CAMTA1: variants seen among roughly 807,000 people sequenced by gnomAD.
The protein encoded by CAMTA1 is calmodulin-binding transcription activator 1.
In CAMTA1, 27 loss-of-function variants were observed where a neutral mutation model predicts 170.9. The observed-to-expected ratio is 0.16, with a 90% CI of 0.12 to 0.22. The LOEUF (loss-of-function observed/expected upper bound fraction) is 0.22, where lower values mean the gene tolerates loss of function less well. Among genes scored for constraint, CAMTA1 ranks in the 10% least tolerant of loss-of-function variants. The pLI is 1.00. For synonymous variants in CAMTA1, 833 were observed against 891.5 expected (o/e 0.93, Z 1.17); for missense variants, 1,619 against 2,217.2 (o/e 0.73, Z 5.42).
rs2094717519 is a variant in CAMTA1 at position 7,547,745 on chromosome 1, A to G, written c.510+79844A>G. Among the ~76,000 whole-genome samples, 1 of 151,118 alleles carries G rather than the reference A, an allele frequency of 6.6e-6. No homozygotes were observed. The highest frequency in any genetic ancestry group is 2.1e-4 in the South Asian group (1 of 4,780). ...CATCAGCTACCGTTAGTGTTAGTAT[A>G]TTTATGTGTGGCCTAAGAGAATTAT... On this transcript the variant is annotated intron_variant, in intron 6 of 22. Transcript: ENST00000303635. This position sits in a 1 kb window ranked among gnomAD's most constrained non-coding sequence, Gnocchi z 5.7.
At chr1:7,536,836 T>A (rs1557879195) in intron 6 of CAMTA1, among the ~76,000 whole-genome samples, 1 of 115,404 alleles carries the variant, frequency 8.7e-6, no homozygotes, top group Non-Finnish European at 2.0e-5. Context: ...AAGAGTCCCC[T>A]GAGCTACTCC....
intron 3 of CAMTA1, among the ~76,000 whole-genome samples, chr1:6,952,776 G>A (rs1395840964): frequency 6.6e-6 from 1 of 152,200 alleles, no homozygotes; most frequent in Admixed American, 6.5e-5. Flanking sequence ...GGAGGTAGCA[G>A]TGAGCCGAGA....
intron 5 of CAMTA1, among the ~76,000 whole-genome samples, chr1:7,342,985 C>T (rs190376602): frequency 2.0e-4 from 30 of 152,342 alleles, no homozygotes; most frequent in Admixed American, 3.3e-4. Context: ...GGGCACCAGT[C>T]CTACAGAGCA....
At chr1:7,181,088 G>T (rs1261445206) in intron 4 of CAMTA1, among the ~76,000 whole-genome samples, 1 of 152,130 alleles carries the variant, frequency 6.6e-6, no homozygotes, top group African/African-American at 2.4e-5. Flanking sequence ...GGAATGCAAG[G>T]TTGGTTCAAC....
chr1:7,751,530 T>A, intron 20 of CAMTA1, 138 bp downstream of exon 20: 3 of 631,712 alleles, frequency 4.7e-6, no homozygotes, highest in Non-Finnish European at 7.6e-6. Context: ...CAGAACGTTT[T>A]AGGCATGGTG....
intron 5 of CAMTA1, among the ~76,000 whole-genome samples, chr1:7,287,367 G>A (rs200227938): frequency 3.3e-5 from 5 of 152,322 alleles, no homozygotes; most frequent in East Asian, 3.9e-4. Context: ...GACATGGGGC[G>A]ATAGTCATCT....
chr1:7,284,432 G>A (rs952377456), intron 5 of CAMTA1, among the ~76,000 whole-genome samples: 2 of 151,996 alleles, frequency 1.3e-5, no homozygotes, highest in Admixed American at 6.6e-5. Context: ...TTGAACTCCT[G>A]ACCTCGTGAT....
intron 4 of CAMTA1, among the ~76,000 whole-genome samples, chr1:7,110,908 G>C (rs1643994333): frequency 6.6e-6 from 1 of 152,202 alleles, no homozygotes; most frequent in South Asian, 2.1e-4. Context: ...AAAATGACTG[G>C]AACGCATTGT....
chr1:7,055,633 C>T (rs986988209), intron 3 of CAMTA1, among the ~76,000 whole-genome samples: 4 of 152,214 alleles, frequency 2.6e-5, no homozygotes, highest in East Asian at 1.9e-4. Context: ...GACCTGGCCT[C>T]GAGGTGGGTC....
At chr1:6,791,606 A>G (rs1428694693) in intron 1 of CAMTA1, among the ~76,000 whole-genome samples, 1 of 152,146 alleles carries the variant, frequency 6.6e-6, no homozygotes, top group Non-Finnish European at 1.5e-5. Flanking sequence ...GGCCTCTCCT[A>G]ATGTTCCTTT....
chr1:6,824,972 C>T, intron 2 of CAMTA1, 120 bp from the exon 3 acceptor site: 1 of 554,448 alleles, frequency 1.8e-6, no homozygotes, highest in South Asian at 2.6e-5. Context: ...AATAGTGGGG[C>T]CTCTGATGCT....
intron 6 of CAMTA1, among the ~76,000 whole-genome samples, chr1:7,522,563 T>C (rs1190375925): frequency 2.0e-5 from 3 of 152,242 alleles, no homozygotes; most frequent in Admixed American, 2.0e-4. Flanking sequence ...TGCCCAGTCC[T>C]AGATCCCAAA....
chr1:7,483,822 C>T (rs1003667819), intron 6 of CAMTA1, among the ~76,000 whole-genome samples: 29 of 152,230 alleles, frequency 1.9e-4, no homozygotes, highest in African/African-American at 6.5e-4. Context: ...GCCCACAGGC[C>T]GTGGCAGGAC....
chr1:7,315,741 T>C (rs1409464882), intron 5 of CAMTA1, among the ~76,000 whole-genome samples: 1 of 152,208 alleles, frequency 6.6e-6, no homozygotes, highest in African/African-American at 2.4e-5. Context: ...TAGGGGTGGA[T>C]CTTTCCTGGC....
intron 11 of CAMTA1, among the ~76,000 whole-genome samples, chr1:7,702,459 T>C (rs2096451870): frequency 1.3e-5 from 2 of 152,020 alleles, no homozygotes; most frequent in Non-Finnish European, 2.9e-5. Flanking sequence ...TCACCACGAG[T>C]TCCCCGGCAC....
chr1:7,655,110 A>ACACACC (rs1553235634), intron 7 of CAMTA1, among the ~76,000 whole-genome samples: 1 of 83,158 alleles, frequency 1.2e-5, no homozygotes, highest in Non-Finnish European at 2.6e-5. Flanking sequence ...ACCTATACAC[A>ACACACC]CACCTATACA....
chr1:7,318,096 G>A (rs948305565), intron 5 of CAMTA1, among the ~76,000 whole-genome samples: 1 of 152,220 alleles, frequency 6.6e-6, no homozygotes, highest in Non-Finnish European at 1.5e-5. Context: ...CTGACGTCAG[G>A]GCCCAGTGTG....
intron 3 of CAMTA1, among the ~76,000 whole-genome samples, chr1:6,940,492 C>T (rs1343416355): frequency 6.6e-6 from 1 of 152,216 alleles, no homozygotes; most frequent in Non-Finnish European, 1.5e-5. Flanking sequence ...CATCCAGAGA[C>T]ACTCCCACAG....
At chr1:7,357,187 T>C (rs2085182612) in intron 5 of CAMTA1, among the ~76,000 whole-genome samples, 1 of 152,214 alleles carries the variant, frequency 6.6e-6, no homozygotes, top group African/African-American at 2.4e-5. Context: ...TGGAGCATCC[T>C]ACAGGGAGGA....
Sources: gnomAD v4.1 joint callset for allele counts (sites outside exome capture counted in the v4.1 genomes callset) on GRCh38, gnomAD v4.1.1 for gene constraint, Gnocchi (gnomAD v3.1) non-coding constraint, MANE v1.5 for transcripts, NCBI Gene and HGNC (gene_info 2026-07-23, HGNC 2026-07-21) for gene names.